MALRD1: variants seen among roughly 807,000 people sequenced by gnomAD.
The protein encoded by MALRD1 is MAM and LDL receptor class A domain containing 1, also known as MAM and LDL-receptor class A domain-containing protein 1.
Under a neutral mutation model 242.1 loss-of-function variants are expected in MALRD1, and 247 were observed. That is an observed-to-expected ratio of 1.02 (90% CI 0.92 to 1.13). The LOEUF (loss-of-function observed/expected upper bound fraction) is 1.13, where lower values mean the gene tolerates loss of function less well. Among genes scored for constraint, MALRD1 ranks in the 50% most tolerant of loss-of-function variants. MALRD1 has a pLI of 0.00. For synonymous variants in MALRD1, 995 were observed against 866.6 expected (o/e 1.15, Z -2.60); for missense variants, 2,989 against 2,533.1 (o/e 1.18, Z -3.86).
chr10:19,318,685 A>G (rs868060989), intron 21 of MALRD1, among the ~76,000 whole-genome samples: 1 of 151,154 alleles, frequency 6.6e-6, no homozygotes, highest in Non-Finnish European at 1.5e-5. Context: ...CTTACGTTTT[A>G]TTTTTTCCCC....
Position 19,088,169 on chromosome 10 carries a change from G to C in MALRD1, c.581G>C (p.Ser194Thr). 8.1e-7 allele frequency: 1 copy of C among 1,233,292 alleles called. No homozygotes were observed. Among genetic ancestry groups the C allele is most frequent in the Non-Finnish European group, 1.0e-6 (1 of 987,732 alleles). The allele number at this position is 1,233,292 out of a possible 1,614,324, so 76.4% of individuals were successfully genotyped here. The stretch of plus-strand genomic sequence containing the variant: ...GAGAGAAATGTCATCAAAATCCAGA[G>C]TTCACAGAGATTTCAGGTATGTGTG... ...QWERNVIKIQ[S>T]SQRFQVVFEG... Residue 194 changes from serine (S) to threonine (T), a missense_variant, in exon 4 of 40, where the codon AGT (serine) becomes ACT (threonine). Coordinates refer to ENST00000454679, the MANE Select transcript of MALRD1 (RefSeq NM_001142308.3).
chr10:19,507,991 A>C (rs1833217187), intron 31 of MALRD1, among the ~76,000 whole-genome samples: 1 of 151,710 alleles, frequency 6.6e-6, no homozygotes, highest in South Asian at 2.1e-4. Flanking sequence ...CTCTGCCATC[A>C]TGTGGCTGAC....
At chr10:19,553,051 A>G (rs1387722936) in intron 32 of MALRD1, among the ~76,000 whole-genome samples, 2 of 152,022 alleles carry the variant, frequency 1.3e-5, no homozygotes, top group Admixed American at 1.3e-4. Context: ...ATTTCTAGAT[A>G]CTCTCCTACT....
chr10:19,183,805 T>G (rs1241666183), intron 14 of MALRD1, among the ~76,000 whole-genome samples: 1 of 152,238 alleles, frequency 6.6e-6, no homozygotes, highest in Non-Finnish European at 1.5e-5. Context: ...TGCAGAATTT[T>G]GATAGCCTTG....
At chr10:19,207,671 G>T (rs4611097) in intron 17 of MALRD1, among the ~76,000 whole-genome samples, 111,316 of 151,664 alleles carry the variant, frequency 0.73, 41,088 homozygotes, top group South Asian at 0.83. Context: ...CGGATAATTT[G>T]TTTGTATTTT....
chr10:19,615,895 G>T lies in MALRD1; in HGVS notation c.6109G>T (p.Val2037Leu). 2 of 1,532,362 alleles carry T rather than the reference G, an allele frequency of 1.3e-6. No individual in the cohort carries two copies. The highest frequency in any genetic ancestry group is 1.7e-6 in the Non-Finnish European group (2 of 1,144,698). The allele number at this position is 1,532,362 out of a possible 1,614,324, so 94.9% of individuals were successfully genotyped here. A position where few individuals can be genotyped will look rare whatever the true frequency, so the allele number is the denominator to read the frequency against. The change falls in exon 36 of 40, where the codon GTA becomes TTA. Residue 2037 changes from valine to leucine, a missense_variant. Transcript: ENST00000454679. Reference sequence around the variant, plus strand: ...TTACTGCAGAAATGGTGGGACTTGTGTAGTGGAGAAAAATGGTCCTATGTG... The same window carrying T: ...TTACTGCAGAAATGGTGGGACTTGTTTAGTGGAGAAAAATGGTCCTATGTG... ...LNYCRNGGTC[V>L]VEKNGPMCRC... is the part of the protein sequence containing the mutation.
intron 18 of MALRD1, among the ~76,000 whole-genome samples, chr10:19,219,194 G>A (rs984653275): frequency 1.1e-4 from 16 of 152,036 alleles, no homozygotes; most frequent in African/African-American, 3.4e-4. Flanking sequence ...GTCTCATGAA[G>A]GAGAATAATG....
intron 24 of MALRD1, among the ~76,000 whole-genome samples, chr10:19,341,788 AC>A (rs1195886123): frequency 3.9e-5 from 6 of 152,206 alleles, no homozygotes; most frequent in Non-Finnish European, 7.4e-5. Flanking sequence ...AGTTAAAAAA[AC>A]AAAGACATTT....
chr10:19,310,935 C>T (rs949494640), intron 21 of MALRD1, among the ~76,000 whole-genome samples: 8 of 151,364 alleles, frequency 5.3e-5, no homozygotes, highest in African/African-American at 1.7e-4. Flanking sequence ...TCAAGGGAAA[C>T]GACACTGACT....
intron 28 of MALRD1, among the ~76,000 whole-genome samples, chr10:19,432,545 A>G (rs1008525617): frequency 6.6e-6 from 1 of 152,184 alleles, no homozygotes; most frequent in Non-Finnish European, 1.5e-5. Context: ...TGCCTTCACA[A>G]TGCTCTGTTT....
intron 38 of MALRD1, among the ~76,000 whole-genome samples, chr10:19,705,201 G>A (rs915294424): frequency 6.6e-6 from 1 of 152,054 alleles, no homozygotes; most frequent in South Asian, 2.1e-4. Flanking sequence ...TGCTATCCAA[G>A]CCTGACATCC....
At chr10:19,273,102 GC>G (rs1028736845) in intron 19 of MALRD1, among the ~76,000 whole-genome samples, 1 of 152,080 alleles carries the variant, frequency 6.6e-6, no homozygotes, top group South Asian at 2.1e-4. Context: ...TTGAGGAATT[GC>G]CACACTGTCT....
intron 28 of MALRD1, among the ~76,000 whole-genome samples, chr10:19,407,373 T>A (rs1833073897): frequency 6.6e-6 from 1 of 152,074 alleles, no homozygotes. Flanking sequence ...TCCCAACAAC[T>A]CAGGACGCTG....
intron 1 of MALRD1, among the ~76,000 whole-genome samples, chr10:19,050,505 A>C (rs1051374939): frequency 2.6e-5 from 4 of 152,036 alleles, no homozygotes; most frequent in Non-Finnish European, 5.9e-5. Flanking sequence ...TTATATATTC[A>C]GTTGCTATTA....
chr10:19,262,933 A>T (rs923197018), intron 19 of MALRD1, among the ~76,000 whole-genome samples: 2 of 152,158 alleles, frequency 1.3e-5, no homozygotes, highest in East Asian at 3.9e-4. Flanking sequence ...TGGACATGGC[A>T]TTATTCTAAT....
chr10:19,118,203 A>T (rs1284450823), intron 5 of MALRD1, among the ~76,000 whole-genome samples: 1 of 152,204 alleles, frequency 6.6e-6, no homozygotes, highest in Admixed American at 6.5e-5. Flanking sequence ...CCATGTGAAT[A>T]TTAGATATGT....
At chr10:19,562,252 G>A (rs533269105) in intron 32 of MALRD1, among the ~76,000 whole-genome samples, 4 of 151,926 alleles carry the variant, frequency 2.6e-5, no homozygotes, top group Non-Finnish European at 4.4e-5. Flanking sequence ...CCAAGATCGC[G>A]CCACTGTACT....
chr10:19,710,251 ATGTATT>A (rs1415967816), intron 38 of MALRD1: 2 of 151,940 alleles, frequency 1.3e-5, no homozygotes, highest in African/African-American at 4.8e-5. Flanking sequence ...GCAGCTGAAA[ATGTATT>A]TACCAATGTT....
chr10:19,482,484 A>G (rs1343204290), intron 29 of MALRD1, among the ~76,000 whole-genome samples: 1 of 152,026 alleles, frequency 6.6e-6, no homozygotes, highest in Non-Finnish European at 1.5e-5. Flanking sequence ...AAGTCAAACT[A>G]TCTCTCTTCG....
Sources: allele counts gnomAD v4.1 joint callset (sites outside exome capture counted in the v4.1 genomes callset), GRCh38; gene constraint gnomAD v4.1.1; transcripts MANE v1.5; gene names NCBI Gene and HGNC (gene_info 2026-07-23, HGNC 2026-07-21).